PRKCE: variants seen among roughly 807,000 people sequenced by gnomAD.
PRKCE encodes protein kinase C epsilon type.
PRKCE carries 16 observed loss-of-function variants against 85.4 expected under a neutral mutation model. That is an observed-to-expected ratio of 0.19 (90% CI 0.13 to 0.28). PRKCE has a LOEUF of 0.28. Ranked by LOEUF, PRKCE falls within the 10% of genes least tolerant of loss-of-function variation. The probability of loss-of-function intolerance (pLI) is 1.00; values close to 1 mark genes in which losing one functional copy is unlikely to be tolerated. For synonymous variants in PRKCE, 388 were observed against 371.5 expected (o/e 1.04, Z -0.51); for missense variants, 573 against 975.2 (o/e 0.59, Z 5.49).
chr2:46,076,713 C>T (rs1159732796), intron 10 of PRKCE, among the ~76,000 whole-genome samples: 1 of 152,134 alleles, frequency 6.6e-6, no homozygotes, highest in Admixed American at 6.5e-5. Flanking sequence ...AAAAAGGCAT[C>T]TCCCCTTTTA....
At chr2:46,092,043 G>C (rs1216550380) in intron 11 of PRKCE, among the ~76,000 whole-genome samples, 1 of 152,230 alleles carries the variant, frequency 6.6e-6, no homozygotes, top group Non-Finnish European at 1.5e-5. Context: ...CAGTTTAACA[G>C]TTTCTAGAGA....
intron 10 of PRKCE, among the ~76,000 whole-genome samples, chr2:46,033,460 A>G (rs760235047): frequency 2.6e-5 from 4 of 152,186 alleles, no homozygotes; most frequent in Admixed American, 6.5e-5. Context: ...TGGATCTCCC[A>G]GGGAGCCGGT....
At chr2:45,828,292 C>T (rs949269217) in intron 1 of PRKCE, among the ~76,000 whole-genome samples, 15 of 152,192 alleles carry the variant, frequency 9.9e-5, no homozygotes, top group African/African-American at 2.4e-4. Context: ...CCCAACTACT[C>T]GGGAAGCTGA....
At chr2:45,787,056 C>T (rs192358281) in intron 1 of PRKCE, among the ~76,000 whole-genome samples, 1 of 152,286 alleles carries the variant, frequency 6.6e-6, no homozygotes, top group African/African-American at 2.4e-5. Flanking sequence ...TGAATAGAGA[C>T]CCTGAGTGAA....
chr2:46,105,122 G>A (rs1226503659), intron 11 of PRKCE, among the ~76,000 whole-genome samples: 3 of 151,720 alleles, frequency 2.0e-5, no homozygotes, highest in Non-Finnish European at 4.4e-5. Flanking sequence ...CTGAGAGTTT[G>A]TCCGCTGCTT....
chr2:45,821,975 G>T (rs1056532130), intron 1 of PRKCE, among the ~76,000 whole-genome samples: 1 of 152,174 alleles, frequency 6.6e-6, no homozygotes, highest in Admixed American at 6.5e-5. Flanking sequence ...TGAAGGGCTT[G>T]AGGGGGCTTA....
chr2:45,884,953 CCA>C (rs1491146109), intron 2 of PRKCE, among the ~76,000 whole-genome samples: 7 of 49,510 alleles, frequency 1.4e-4, no homozygotes, highest in African/African-American at 1.9e-4. Flanking sequence ...TATATGTGAT[CCA>C]TATATATATA....
intron 1 of PRKCE, among the ~76,000 whole-genome samples, chr2:45,686,577 A>G (rs546862555): frequency 2.0e-5 from 3 of 152,332 alleles, no homozygotes; most frequent in African/African-American, 7.2e-5. Context: ...ATAACCGTAG[A>G]GAAAAACAAC....
At chr2:46,021,842 G>T (rs912286394) in intron 10 of PRKCE, among the ~76,000 whole-genome samples, 39 of 152,176 alleles carry the variant, frequency 2.6e-4, no homozygotes, top group African/African-American at 9.2e-4. Flanking sequence ...TTTTGTGTGT[G>T]TGTGTCCAGT....
At chr2:45,798,128 C>G (rs1687584892) in intron 1 of PRKCE, among the ~76,000 whole-genome samples, 2 of 152,160 alleles carry the variant, frequency 1.3e-5, no homozygotes, top group Non-Finnish European at 2.9e-5. Context: ...TCTCAAGGAG[C>G]TCAGCAAAGT....
At chr2:45,927,064 ATG>A (rs918484753) in intron 2 of PRKCE, among the ~76,000 whole-genome samples, 1 of 151,766 alleles carries the variant, frequency 6.6e-6, no homozygotes, top group Non-Finnish European at 1.5e-5. Flanking sequence ...GAATTATAGA[ATG>A]TGCATATGTG....
At chr2:45,778,659 A>G (rs140656575) in intron 1 of PRKCE, among the ~76,000 whole-genome samples, 25 of 152,322 alleles carry the variant, frequency 1.6e-4, no homozygotes, top group Non-Finnish European at 3.2e-4. Context: ...GCCAACGTCT[A>G]TTCCACTATC....
intron 2 of PRKCE, among the ~76,000 whole-genome samples, chr2:45,970,719 C>A (rs988338676): frequency 2.0e-5 from 3 of 151,932 alleles, no homozygotes; most frequent in Admixed American, 2.0e-4. Context: ...TGTTAAATTT[C>A]TTGACTCTGT....
At chr2:45,743,921 C>A (rs913027078) in intron 1 of PRKCE, among the ~76,000 whole-genome samples, 1 of 151,470 alleles carries the variant, frequency 6.6e-6, no homozygotes, top group African/African-American at 2.4e-5. Flanking sequence ...TGGTGAAGGG[C>A]GAACAGACCT....
At chr2:45,664,679 T>G in intron 1 of PRKCE, among the ~76,000 whole-genome samples, 1 of 152,348 alleles carries the variant, frequency 6.6e-6, no homozygotes, top group East Asian at 1.9e-4. Flanking sequence ...TCCCTTGGAC[T>G]GGCTTCTGTC....
chr2:45,747,334 C>A (rs1395132119), intron 1 of PRKCE, among the ~76,000 whole-genome samples: 4 of 152,164 alleles, frequency 2.6e-5, no homozygotes, highest in African/African-American at 7.2e-5. Flanking sequence ...AAATCTGAAA[C>A]CCAGTACCTA....
Position 45,847,474 on chromosome 2 carries a change from G to T in PRKCE, c.412+4411G>T, listed in dbSNP as rs1301393482. 3.3e-5 allele frequency among the ~76,000 whole-genome samples: 5 copies of T among 152,196 alleles called. No homozygotes were observed. In the East Asian group the frequency reaches 5.8e-4, roughly 18 times the overall value. ...ACCTCTTCTGGACTTTTTTCAAGTT[G>T]CACAGGCAGACGTGATCAAACCAGC... is the stretch of plus-strand genomic sequence containing the variant. On this transcript the variant is annotated intron_variant, in intron 2 of 14. Transcript: ENST00000306156.
At chr2:45,738,009 G>A (rs1682230961) in intron 1 of PRKCE, among the ~76,000 whole-genome samples, 1 of 152,030 alleles carries the variant, frequency 6.6e-6, no homozygotes, top group African/African-American at 2.4e-5. Context: ...CCTCCTGGCA[G>A]GTCCTGACAG....
intron 1 of PRKCE, among the ~76,000 whole-genome samples, chr2:45,731,112 T>C (rs10201978): frequency 0.13 from 19,314 of 152,220 alleles, 1,322 homozygotes; most frequent in Non-Finnish European, 0.17. Flanking sequence ...GTGGACAGTT[T>C]AGAGACTGGT....
Sources: allele counts gnomAD v4.1 joint callset (sites outside exome capture counted in the v4.1 genomes callset), GRCh38; gene constraint gnomAD v4.1.1; transcripts MANE v1.5; gene names NCBI Gene and HGNC (gene_info 2026-07-23, HGNC 2026-07-21).